Variants in LRRC75A observed in about 807,000 individuals in gnomAD.
The protein encoded by LRRC75A is leucine rich repeat containing 75A.
A neutral mutation model predicts 26.0 loss-of-function variants in LRRC75A; 12 were observed. The observed-to-expected ratio is 0.46, with a 90% confidence interval of 0.30 to 0.75. The LOEUF is 0.75. LRRC75A is among the 30% of genes least tolerant of loss of function. The pLI, the probability that LRRC75A is intolerant of heterozygous loss-of-function variation, is 0.08. For synonymous variants in LRRC75A, 223 were observed against 219.3 expected, an observed-to-expected ratio of 1.02 and a Z score of -0.15; for missense variants, 410 against 486.6, an observed-to-expected ratio of 0.84 and a Z score of 1.48.
intron 2 of LRRC75A, among the ~76,000 whole-genome samples, chr17:16,451,639 T>A (rs1024664838): frequency 4.7e-5 from 7 of 148,816 alleles, no homozygotes; most frequent in African/African-American, 1.7e-4. Flanking sequence ...AAAATAATAA[T>A]AATAATAAAT....
At chr17:16,450,309 G>A (rs2093620772) in intron 2 of LRRC75A, among the ~76,000 whole-genome samples, 1 of 152,228 alleles carries the variant, frequency 6.6e-6, no homozygotes, top group African/African-American at 2.4e-5. Context: ...GAGTTGGGAA[G>A]ATGGCAGTTG....
chr17:16,464,353 G>A (rs563563573), intron 1 of LRRC75A, among the ~76,000 whole-genome samples: 3 of 152,172 alleles, frequency 2.0e-5, no homozygotes, highest in African/African-American at 7.2e-5. Flanking sequence ...TACAATACCC[G>A]CCTTTGACCT....
intron 1 of LRRC75A, among the ~76,000 whole-genome samples, chr17:16,484,554 T>C (rs954933241): frequency 6.6e-6 from 1 of 151,972 alleles, no homozygotes; most frequent in African/African-American, 2.4e-5. Context: ...CCAGTTCTCA[T>C]GGCCCCACTC....
At chr17:16,471,685 G>A (rs1437156189) in intron 1 of LRRC75A, among the ~76,000 whole-genome samples, 1 of 152,216 alleles carries the variant, frequency 6.6e-6, no homozygotes, top group Non-Finnish European at 1.5e-5. Context: ...TCCCCAAGGT[G>A]GTTCTCAGCT....
At chr17:16,447,337 G>C (rs1048823022) in intron 3 of LRRC75A, among the ~76,000 whole-genome samples, 5 of 93,526 alleles carry the variant, frequency 5.3e-5, no homozygotes, top group Non-Finnish European at 1.3e-4. Flanking sequence ...ACTAGGGAGT[G>C]CTTGTTGCTC....
intron 1 of LRRC75A, among the ~76,000 whole-genome samples, chr17:16,469,983 C>T (rs959887506): frequency 6.6e-6 from 1 of 152,174 alleles, no homozygotes; most frequent in Non-Finnish European, 1.5e-5. Flanking sequence ...GGCTTCCTCC[C>T]TTCCTTCCGG....
Position 16,491,744 on chromosome 17 carries a change from C to T in LRRC75A, c.246+1G>A. The stretch of plus-strand genomic sequence containing the variant: ...CCCCCGCGCCCCCTCCCCGCGCTCA[C>T]CTGGCGCAGGTGCTGCAGCAGCGTC... On this transcript the variant is annotated splice_donor_variant, in intron 1 of 3. Coordinates refer to ENST00000470794, the MANE Select transcript of LRRC75A (RefSeq NM_001113567.3). LOFTEE classifies it high-confidence loss of function. This position sits in a 1 kb window ranked among gnomAD's most constrained non-coding sequence, Gnocchi z 5.9. The T allele has an allele frequency of 1.4e-6, 2 of 1,387,890 alleles. No homozygotes were observed. Among genetic ancestry groups the T allele is most frequent in the Non-Finnish European group, 9.3e-7 (1 of 1,070,742 alleles). 86.0% of individuals were successfully genotyped at this position (1,387,890 alleles called of 1,614,324 possible). A position where few individuals can be genotyped will look rare whatever the true frequency, so the allele number is the denominator to read the frequency against.
chr17:16,488,256 G>A (rs1022418471), intron 1 of LRRC75A, among the ~76,000 whole-genome samples: 18 of 152,232 alleles, frequency 1.2e-4, no homozygotes, highest in Non-Finnish European at 7.3e-5. Context: ...AAAGGGCAGA[G>A]GAATGGCCTC....
Position 16,447,934 on chromosome 17 carries a change from C to T in LRRC75A, c.402G>A (p.Glu134=). The T allele has an allele frequency of 6.4e-7, 1 of 1,551,104 alleles. No homozygotes were observed. Among genetic ancestry groups the T allele is most frequent in the Non-Finnish European group, 8.7e-7 (1 of 1,146,930 alleles). Residue 134 remains glutamate (E), a synonymous_variant, in exon 3 of 4, where the codon GAG becomes GAA. Coordinates refer to ENST00000470794, the MANE Select transcript of LRRC75A (RefSeq NM_001113567.3). ...GGTATGTCAGCTGCCGGCACAGCTT[C>T]TCCATGGCGCCCAGTGCATCGCCTT... ...KPEGDALGAM[E]KLCRQLTYHL...
chr17:16,464,642 C>T (rs1014210082), intron 1 of LRRC75A, among the ~76,000 whole-genome samples: 6 of 152,330 alleles, frequency 3.9e-5, no homozygotes, highest in Admixed American at 1.3e-4. Flanking sequence ...ACCACAGACC[C>T]AATTGAGAAT....
At chr17:16,479,928 A>G (rs975253597) in intron 1 of LRRC75A, among the ~76,000 whole-genome samples, 8 of 152,240 alleles carry the variant, frequency 5.3e-5, no homozygotes, top group African/African-American at 1.9e-4. Context: ...CCTGTTAGGA[A>G]GCAGGCTGCA....
rs562582955 is a variant in LRRC75A, at chr17:16,483,386, C to T, written c.246+8359G>A. 7.1e-4 allele frequency among the ~76,000 whole-genome samples: 108 copies of T among 152,326 alleles called. 2 individuals carry two copies. The South Asian group carries it at 0.022, about 31-fold the overall frequency. ...AGGTTGGCCTCGGCAGTATGGGGGT[C>T]GGCCCCAGTACCTGGTGGGGAGGTA... On this transcript the variant is annotated intron_variant, in intron 1 of 3. Transcript: ENST00000470794.
At chr17:16,450,087 G>C (rs979414670) in intron 2 of LRRC75A, among the ~76,000 whole-genome samples, 4 of 152,090 alleles carry the variant, frequency 2.6e-5, no homozygotes, top group Non-Finnish European at 5.9e-5. Flanking sequence ...GATCACATCT[G>C]GTCCCTCCAT....
chr17:16,467,146 C>T (rs2093775746), intron 1 of LRRC75A, among the ~76,000 whole-genome samples: 1 of 152,138 alleles, frequency 6.6e-6, no homozygotes, highest in African/African-American at 2.4e-5. Flanking sequence ...TATTTTTTCA[C>T]TTGTGAACTT....
In LRRC75A at chr17:16,485,386, G is replaced by A. The variant is rs147977905; in HGVS notation, c.246+6359C>T. ...GAATGGGATTGGTGCCCATATAAAA[G>A]AGACCCCAGAGAGACCCTTCATTCC... is the stretch of plus-strand genomic sequence containing the variant. On this transcript the variant is annotated intron_variant, in intron 1 of 3. Coordinates refer to ENST00000470794, the MANE Select transcript of LRRC75A (RefSeq NM_001113567.3). Among the ~76,000 whole-genome samples, 397 of 152,214 alleles carry A rather than the reference G, an allele frequency of 2.6e-3. 4 individuals carry two copies. The highest frequency in any genetic ancestry group is 8.8e-3 in the African/African-American group (365 of 41,522).
intron 1 of LRRC75A, among the ~76,000 whole-genome samples, chr17:16,479,685 A>G (rs2093829148): frequency 6.6e-6 from 1 of 152,252 alleles, no homozygotes; most frequent in Admixed American, 6.5e-5. Flanking sequence ...GGCTGCCAGC[A>G]GCAGAGCTGT....
intron 2 of LRRC75A, 34 bp from the exon 3 acceptor site, chr17:16,447,994 G>A: frequency 6.6e-7 from 1 of 1,522,426 alleles, no homozygotes; most frequent in Non-Finnish European, 8.9e-7. Context: ...AGGGCCCTGA[G>A]TGGCTGGGTG....
At chr17:16,483,475 G>A (rs971614577) in intron 1 of LRRC75A, among the ~76,000 whole-genome samples, 2 of 152,208 alleles carry the variant, frequency 1.3e-5, no homozygotes, top group African/African-American at 4.8e-5. Context: ...GGCCAAGGTG[G>A]GTGACCTTAG....
At chr17:16,444,540 C>T (rs974466497) in intron 3 of LRRC75A, among the ~76,000 whole-genome samples, 1 of 152,148 alleles carries the variant, frequency 6.6e-6, no homozygotes, top group Admixed American at 6.5e-5. Flanking sequence ...GGCAGCTCAG[C>T]CCCCATGAAT....
Sources: gnomAD v4.1 joint callset for allele counts (sites outside exome capture counted in the v4.1 genomes callset) on GRCh38, gnomAD v4.1.1 for gene constraint, Gnocchi (gnomAD v3.1) non-coding constraint, MANE v1.5 for transcripts, NCBI Gene and HGNC (gene_info 2026-07-23, HGNC 2026-07-21) for gene names.